Variants in MAPKAP1 observed in about 807,000 individuals in gnomAD.
MAPKAP1 encodes the protein target of rapamycin complex 2 subunit MAPKAP1.
Under a neutral mutation model 65.7 loss-of-function variants are expected in MAPKAP1, and 20 were observed. The ratio of observed to expected loss-of-function variants is 0.30; its 90% CI spans 0.21 to 0.44. The LOEUF is 0.44. Ranked by LOEUF, MAPKAP1 falls within the 20% of genes least tolerant of loss-of-function variation. The pLI is 1.00. For synonymous variants in MAPKAP1, 222 were observed against 244.3 expected (o/e 0.91, Z 0.85); for missense variants, 423 against 648.0 (o/e 0.65, Z 3.77).
chr9:125,494,676 T>C (rs1854874009), intron 8 of MAPKAP1, among the ~76,000 whole-genome samples: 1 of 152,186 alleles, frequency 6.6e-6, no homozygotes, highest in Non-Finnish European at 1.5e-5. Context: ...TCCATTCCAT[T>C]TATTCATTCC....
intron 4 of MAPKAP1, among the ~76,000 whole-genome samples, chr9:125,631,869 G>GT (rs1276336844): frequency 3.3e-5 from 5 of 152,132 alleles, no homozygotes; most frequent in Admixed American, 6.6e-5. Flanking sequence ...CATCTAAGGA[G>GT]TCTTCCCTGA....
rs764965998 is a variant in MAPKAP1, at chr9:125,570,906, C to T, written c.672-11097G>A. ...AGCACAACAGGTTTTTCTTAGCGCACTCATCTGCTCTTTCATAAAAAAAAA... is the reference window on the plus strand; with the variant it reads ...AGCACAACAGGTTTTTCTTAGCGCATTCATCTGCTCTTTCATAAAAAAAAA... On this transcript the variant is annotated intron_variant, in intron 5 of 11. Coordinates refer to ENST00000265960, the MANE Select transcript of MAPKAP1 (RefSeq NM_001006617.3). 2.0e-4 allele frequency among the ~76,000 whole-genome samples: 31 copies of T among 151,296 alleles called. 1 individual carries two copies. Among genetic ancestry groups the T allele is most frequent in the Non-Finnish European group, 1.5e-5 (1 of 67,910 alleles).
chr9:125,682,577 C>T (rs1321603897), intron 1 of MAPKAP1, among the ~76,000 whole-genome samples: 1 of 152,162 alleles, frequency 6.6e-6, no homozygotes, highest in East Asian at 1.9e-4. Flanking sequence ...AATGTGGCCC[C>T]TAAATTATTT....
intron 4 of MAPKAP1, among the ~76,000 whole-genome samples, chr9:125,646,310 T>TCAAAACAAAA (rs542264994): frequency 1.3e-5 from 2 of 151,910 alleles, no homozygotes; most frequent in Admixed American, 6.6e-5. Flanking sequence ...CCCTGTCTCT[T>TCAAAACAAAA]CAAAACAAAA....
chr9:125,575,887 T>G (rs1229166280), intron 5 of MAPKAP1, among the ~76,000 whole-genome samples: 5 of 152,176 alleles, frequency 3.3e-5, no homozygotes, highest in South Asian at 2.1e-4. Flanking sequence ...CATAAAAATC[T>G]GCACATGAAT....
intron 4 of MAPKAP1, among the ~76,000 whole-genome samples, chr9:125,620,727 A>G (rs1178826247): frequency 6.6e-6 from 1 of 152,246 alleles, no homozygotes; most frequent in Non-Finnish European, 1.5e-5. Context: ...TTCCAATCAC[A>G]TTGTTACATG....
At chr9:125,665,515 C>A (rs2131780060) in intron 3 of MAPKAP1, among the ~76,000 whole-genome samples, 1 of 152,202 alleles carries the variant, frequency 6.6e-6, no homozygotes, top group East Asian at 1.9e-4. Context: ...CTTAACTCCA[C>A]CACCTATCTC....
intron 11 of MAPKAP1, among the ~76,000 whole-genome samples, chr9:125,442,198 T>A (rs2132919897): frequency 6.7e-6 from 1 of 149,430 alleles, no homozygotes; most frequent in East Asian, 2.0e-4. Context: ...ATCAGGCTCA[T>A]GATCATTAGC....
intron 8 of MAPKAP1, among the ~76,000 whole-genome samples, chr9:125,502,054 T>C (rs983258595): frequency 1.1e-4 from 16 of 152,130 alleles, no homozygotes; most frequent in Admixed American, 1.3e-4. Context: ...TATTTTTCAA[T>C]TTCTTGAGCT....
intron 4 of MAPKAP1, among the ~76,000 whole-genome samples, chr9:125,604,551 C>A (rs1020294716): frequency 6.6e-6 from 1 of 152,222 alleles, no homozygotes; most frequent in Non-Finnish European, 1.5e-5. Flanking sequence ...CAAGCATTCA[C>A]CTGAGCAACA....
At chr9:125,451,120 T>C (rs1165964156) in intron 10 of MAPKAP1, 1 of 152,220 alleles carries the variant, frequency 6.6e-6, no homozygotes, top group African/African-American at 2.4e-5. Context: ...GTAAACATAA[T>C]TAAATCTCTA....
intron 1 of MAPKAP1, among the ~76,000 whole-genome samples, chr9:125,705,628 C>G (rs1175516994): frequency 1.3e-5 from 2 of 152,106 alleles, no homozygotes; most frequent in African/African-American, 2.4e-5. Context: ...ATATACATAT[C>G]CATATTCAGT....
At chr9:125,637,216 CTGAGA>C (rs1329195632) in intron 4 of MAPKAP1, among the ~76,000 whole-genome samples, 6 of 152,034 alleles carry the variant, frequency 3.9e-5, no homozygotes, top group African/African-American at 7.3e-5. Context: ...ATGCAGTGAG[CTGAGA>C]TCACACCACT....
intron 10 of MAPKAP1, among the ~76,000 whole-genome samples, chr9:125,457,924 A>G (rs1226605457): frequency 6.6e-6 from 1 of 152,164 alleles, no homozygotes; most frequent in Non-Finnish European, 1.5e-5. Flanking sequence ...TCCATACTCT[A>G]TTCTGCAAAT....
At chr9:125,453,158 A>G (rs1382468446) in intron 10 of MAPKAP1, among the ~76,000 whole-genome samples, 2 of 152,202 alleles carry the variant, frequency 1.3e-5, no homozygotes, top group Non-Finnish European at 2.9e-5. Context: ...CCTGGGTTCA[A>G]GCAATTCTCC....
intron 5 of MAPKAP1, chr9:125,565,766 A>AG (rs764597066): frequency 5.0e-6 from 2 of 397,596 alleles, no homozygotes; most frequent in Non-Finnish European, 1.0e-5. Flanking sequence ...AAAAAAAAAA[A>AG]GGTTATTATC....
intron 1 of MAPKAP1, among the ~76,000 whole-genome samples, chr9:125,693,828 CACATAT>C (rs1202508196): frequency 5.5e-5 from 6 of 109,076 alleles, no homozygotes; most frequent in Admixed American, 1.7e-4. Context: ...TACACACACA[CACATAT>C]ATATACACAC....
At chr9:125,698,316 T>TATATATATATAAAATATATATAAA (rs1564622561) in intron 1 of MAPKAP1, among the ~76,000 whole-genome samples, 1 of 86,640 alleles carries the variant, frequency 1.2e-5, no homozygotes, top group Non-Finnish European at 2.1e-5. Flanking sequence ...TATATATATA[T>TATATATATATAAAATATATATAAA]ATATATATAT....
intron 7 of MAPKAP1, among the ~76,000 whole-genome samples, chr9:125,512,034 C>G (rs1226836345): frequency 1.3e-5 from 2 of 152,184 alleles, no homozygotes; most frequent in African/African-American, 4.8e-5. Context: ...ATTTTGTAAA[C>G]CCGAGGCAAA....
Sources: gnomAD v4.1 joint callset for allele counts (sites outside exome capture counted in the v4.1 genomes callset) on GRCh38, gnomAD v4.1.1 for gene constraint, MANE v1.5 for transcripts, NCBI Gene and HGNC (gene_info 2026-07-23, HGNC 2026-07-21) for gene names.